Variants in LRRC7 observed in about 807,000 individuals in gnomAD.
LRRC7 encodes leucine rich repeat containing 7.
In LRRC7, 23 loss-of-function variants were observed where a neutral mutation model predicts 175.7. That is an observed-to-expected ratio of 0.13 (90% confidence interval 0.09 to 0.19). LRRC7 has a LOEUF of 0.19. Ranked by LOEUF, LRRC7 falls within the 10% of genes least tolerant of loss-of-function variation. The pLI, the probability that LRRC7 is intolerant of heterozygous loss-of-function variation, is 1.00. For missense variants in LRRC7, 1,354 were observed against 1,904.7 expected (o/e 0.71, Z 5.38); for synonymous variants, 685 against 680.9 (o/e 1.01, Z -0.09).
intron 7 of LRRC7, among the ~76,000 whole-genome samples, chr1:69,858,473 C>T (rs957879294): frequency 1.5e-4 from 22 of 151,528 alleles, no homozygotes; most frequent in Non-Finnish European, 3.0e-4. Flanking sequence ...AAAAAATCCA[C>T]AAAGACAAGG....
chr1:69,892,190 G>A (rs537504643), intron 7 of LRRC7, among the ~76,000 whole-genome samples: 1 of 152,300 alleles, frequency 6.6e-6, no homozygotes, highest in South Asian at 2.1e-4. Flanking sequence ...GACGGCAGCA[G>A]CATATCAGGC....
intron 22 of LRRC7, among the ~76,000 whole-genome samples, chr1:70,045,255 T>C (rs1324887486): frequency 6.6e-6 from 1 of 152,094 alleles, no homozygotes; most frequent in Non-Finnish European, 1.5e-5. Context: ...AGTGGAGTGC[T>C]GGTAACTTTC....
intron 1 of LRRC7, among the ~76,000 whole-genome samples, chr1:69,577,108 C>A (rs1645984121): frequency 6.6e-6 from 1 of 152,040 alleles, no homozygotes; most frequent in African/African-American, 2.4e-5. Flanking sequence ...CAGTAGACAT[C>A]AATGTGGGAC....
In LRRC7 at chr1:70,143,823, C is replaced by T. The variant is rs922210866; in HGVS notation, c.*21936C>T. 6.6e-6 allele frequency: 1 copy of T among 152,014 alleles called. No individual in the cohort carries two copies. The highest frequency in any genetic ancestry group is 1.5e-5 in the Non-Finnish European group (1 of 68,006). 9.4% of individuals were successfully genotyped at this position (152,014 alleles called of 1,614,324 possible). A position where few individuals can be genotyped will look rare whatever the true frequency, so the allele number is the denominator to read the frequency against. On this transcript the variant is annotated 3_prime_UTR_variant, in exon 27 of 27. Coordinates refer to ENST00000651989, the MANE Select transcript of LRRC7 (RefSeq NM_001370785.2). ...ATTTTGAGATAATTGTGATTTTGAG[C>T]TTAAATTATATATAAAAAATTGTCA...
chr1:69,711,080 G>C (rs966392309), intron 2 of LRRC7, among the ~76,000 whole-genome samples: 1 of 152,120 alleles, frequency 6.6e-6, no homozygotes, highest in African/African-American at 2.4e-5. Flanking sequence ...ATTCTTACAG[G>C]CTGAGCAGCT....
chr1:70,069,345 T>G (rs1177560592), intron 23 of LRRC7, among the ~76,000 whole-genome samples: 1 of 152,026 alleles, frequency 6.6e-6, no homozygotes, highest in Admixed American at 6.6e-5. Context: ...ACCCATCAGA[T>G]CTCATGATAT....
rs2102288031 is a variant in LRRC7 at position 70,140,285 on chromosome 1, A to G, written c.*18398A>G. 6.6e-6 allele frequency: 1 copy of G among 152,230 alleles called. No homozygotes were observed. The highest frequency in any genetic ancestry group is 2.1e-4 in the South Asian group (1 of 4,828). The allele number at this position is 152,230 out of a possible 1,614,324, so 9.4% of individuals were successfully genotyped here. On this transcript the variant is annotated 3_prime_UTR_variant, in exon 27 of 27. Transcript: ENST00000651989. ...CATCAGGAGTGGAATTAGATTTTAC[A>G]AAGTTCCCCTTATCCAAACTACAGC...
intron 2 of LRRC7, among the ~76,000 whole-genome samples, chr1:69,737,715 C>A (rs139937603): frequency 6.6e-6 from 1 of 151,980 alleles, no homozygotes; most frequent in Admixed American, 6.6e-5. Context: ...TTAGACACTT[C>A]CCAGAACTCT....
At chr1:69,614,176 T>C (rs957136322) in intron 1 of LRRC7, among the ~76,000 whole-genome samples, 5 of 151,974 alleles carry the variant, frequency 3.3e-5, no homozygotes, top group African/African-American at 4.8e-5. Context: ...AAACTCTTCA[T>C]TGAAAAATTT....
At chr1:69,959,299 A>C (rs967850823) in intron 8 of LRRC7, among the ~76,000 whole-genome samples, 1 of 152,126 alleles carries the variant, frequency 6.6e-6, no homozygotes, top group Non-Finnish European at 1.5e-5. Context: ...GAAATTGTTC[A>C]TAACGATGAA....
intron 8 of LRRC7, among the ~76,000 whole-genome samples, chr1:69,966,849 G>C (rs1478976502): frequency 2.6e-5 from 4 of 152,208 alleles, no homozygotes; most frequent in Non-Finnish European, 5.9e-5. Flanking sequence ...GGTCTCACAG[G>C]GGTCCTTAAG....
At chr1:70,051,880 A>G (rs1056299664) in intron 22 of LRRC7, among the ~76,000 whole-genome samples, 1 of 152,078 alleles carries the variant, frequency 6.6e-6, no homozygotes, top group African/African-American at 2.4e-5. Context: ...TTTTCAGAAG[A>G]GAACAAACTA....
At chr1:70,010,530 A>C (rs1656409967) in intron 11 of LRRC7, among the ~76,000 whole-genome samples, 1 of 152,116 alleles carries the variant, frequency 6.6e-6, no homozygotes, top group South Asian at 2.1e-4. Flanking sequence ...GTGCCACTGC[A>C]CTCCAGCCTG....
intron 2 of LRRC7, among the ~76,000 whole-genome samples, chr1:69,758,554 A>G (rs1023288930): frequency 6.6e-6 from 1 of 151,990 alleles, no homozygotes; most frequent in East Asian, 1.9e-4. Context: ...CATTGGTTAC[A>G]CGGGTAAATT....
intron 2 of LRRC7, among the ~76,000 whole-genome samples, chr1:69,691,982 T>C (rs900211701): frequency 2.0e-5 from 3 of 152,080 alleles, no homozygotes; most frequent in African/African-American, 7.2e-5. Flanking sequence ...GTAATAAAGA[T>C]TTTTATGATG....
intron 23 of LRRC7, among the ~76,000 whole-genome samples, chr1:70,073,026 C>T (rs955108397): frequency 6.6e-6 from 1 of 152,110 alleles, no homozygotes; most frequent in Non-Finnish European, 1.5e-5. Context: ...AAATGATGGT[C>T]CTGTCAGGTT....
At chr1:69,731,097 A>C (rs10889848) in intron 2 of LRRC7, among the ~76,000 whole-genome samples, 21,854 of 151,924 alleles carry the variant, frequency 0.14, 4,072 homozygotes, top group African/African-American at 0.44. Context: ...GTCAGGAGAT[A>C]GAGACCATCT....
intron 2 of LRRC7, among the ~76,000 whole-genome samples, chr1:69,696,525 T>C (rs1030646584): frequency 6.6e-6 from 1 of 152,130 alleles, no homozygotes; most frequent in Non-Finnish European, 1.5e-5. Flanking sequence ...GATGATTGTA[T>C]TTTGCAATGT....
chr1:70,060,489 G>A (rs993772686), intron 23 of LRRC7, among the ~76,000 whole-genome samples: 7 of 152,140 alleles, frequency 4.6e-5, no homozygotes, highest in Admixed American at 4.6e-4. Flanking sequence ...AATAGGCATT[G>A]TGCTGTTGAG....
Sources: gnomAD v4.1 joint callset for allele counts (sites outside exome capture counted in the v4.1 genomes callset) on GRCh38, gnomAD v4.1.1 for gene constraint, MANE v1.5 for transcripts, NCBI Gene and HGNC (gene_info 2026-07-23, HGNC 2026-07-21) for gene names.